NOL4: variants seen among roughly 807,000 people sequenced by gnomAD.
NOL4 encodes the protein cancer/testis antigen 125.
Under a neutral mutation model 75.9 loss-of-function variants are expected in NOL4, and 17 were observed. The ratio of observed to expected loss-of-function variants is 0.22; its 90% confidence interval spans 0.15 to 0.34. The LOEUF (loss-of-function observed/expected upper bound fraction) is 0.34. Ranked by LOEUF, NOL4 falls within the 10% of genes least tolerant of loss-of-function variation. The pLI, the probability that NOL4 is intolerant of heterozygous loss-of-function variation, is 1.00. For missense variants in NOL4, 614 were observed against 793.5 expected (o/e 0.77, Z 2.72); for synonymous variants, 292 against 289.9 (o/e 1.01, Z -0.07).
chr18:34,222,050 C>T (rs1200172825), intron 1 of NOL4: 1 of 1,535,426 alleles, frequency 6.5e-7, no homozygotes, highest in African/African-American at 1.4e-5. Context: ...TCTCCTGCAT[C>T]AGATCTGCCA....
intron 6 of NOL4, among the ~76,000 whole-genome samples, chr18:33,996,625 A>G (rs2073305776): frequency 6.6e-6 from 1 of 151,720 alleles, no homozygotes; most frequent in Admixed American, 6.6e-5. Context: ...TTCCATGTGT[A>G]CCTAATGCTT....
chr18:34,189,624 T>C (rs1286437174), intron 1 of NOL4, among the ~76,000 whole-genome samples: 1 of 152,190 alleles, frequency 6.6e-6, no homozygotes, highest in East Asian at 1.9e-4. Flanking sequence ...GCTTATTCCA[T>C]TATATGTAAT....
chr18:34,209,521 A>T (rs562130153), intron 1 of NOL4, among the ~76,000 whole-genome samples: 12 of 152,284 alleles, frequency 7.9e-5, no homozygotes, highest in African/African-American at 2.9e-4. Flanking sequence ...GAAAATTCTA[A>T]GCGAGTCAGG....
At chr18:34,063,714 T>A (rs2145160301) in intron 5 of NOL4, among the ~76,000 whole-genome samples, 1 of 152,200 alleles carries the variant, frequency 6.6e-6, no homozygotes, top group South Asian at 2.1e-4. Context: ...ACATTCTCTT[T>A]ATAAATCATG....
chr18:34,058,133 T>G (rs2076906564), intron 5 of NOL4, among the ~76,000 whole-genome samples: 1 of 152,060 alleles, frequency 6.6e-6, no homozygotes, highest in Non-Finnish European at 1.5e-5. Flanking sequence ...TGGCCTGTTG[T>G]TCCTTATTTC....
chr18:33,930,298 T>C (rs1240272570), intron 9 of NOL4, among the ~76,000 whole-genome samples: 1 of 152,170 alleles, frequency 6.6e-6, no homozygotes, highest in Non-Finnish European at 1.5e-5. Context: ...AGCTAATTGT[T>C]TATAAATGTT....
At chr18:34,109,625 A>C (rs1409895792) in intron 2 of NOL4, among the ~76,000 whole-genome samples, 2 of 152,028 alleles carry the variant, frequency 1.3e-5, no homozygotes, top group Admixed American at 6.5e-5. Flanking sequence ...AAAGAAGAAC[A>C]AATTATGGCC....
At chr18:33,870,943 A>G (rs2063671083) in intron 10 of NOL4, among the ~76,000 whole-genome samples, 1 of 152,046 alleles carries the variant, frequency 6.6e-6, no homozygotes, top group Non-Finnish European at 1.5e-5. Flanking sequence ...CACACATTTA[A>G]TTTTGTAATC....
intron 1 of NOL4, among the ~76,000 whole-genome samples, chr18:34,140,677 A>G (rs1486169992): frequency 1.3e-5 from 2 of 152,074 alleles, no homozygotes; most frequent in African/African-American, 4.8e-5. Flanking sequence ...TAGCCCATTT[A>G]CATTTAATGT....
At chr18:34,188,849 T>C (rs1282011458) in intron 1 of NOL4, among the ~76,000 whole-genome samples, 1 of 152,130 alleles carries the variant, frequency 6.6e-6, no homozygotes, top group East Asian at 1.9e-4. Flanking sequence ...AAATGAATAT[T>C]CTCACCTATA....
chr18:33,913,578 C>A (rs2066535946), intron 9 of NOL4, among the ~76,000 whole-genome samples: 2 of 152,132 alleles, frequency 1.3e-5, no homozygotes, highest in Non-Finnish European at 2.9e-5. Flanking sequence ...TTTCTCAACA[C>A]TTTTAACCCA....
At chr18:33,939,304 T>C (rs2068297241) in intron 9 of NOL4, among the ~76,000 whole-genome samples, 1 of 152,136 alleles carries the variant, frequency 6.6e-6, no homozygotes, top group Non-Finnish European at 1.5e-5. Context: ...CTTTCTCTAA[T>C]TCTGTGAAGA....
chr18:34,100,829 C>T (rs1159902853), intron 4 of NOL4, among the ~76,000 whole-genome samples: 1 of 152,192 alleles, frequency 6.6e-6, no homozygotes, highest in African/African-American at 2.4e-5. Flanking sequence ...CACATGCCAA[C>T]TGTCTAATTG....
chr18:34,050,789 C>T (rs1466094440), intron 5 of NOL4, among the ~76,000 whole-genome samples: 1 of 152,046 alleles, frequency 6.6e-6, no homozygotes, highest in African/African-American at 2.4e-5. Context: ...AAAAACAGCA[C>T]TTTTCACAAA....
At chr18:33,925,162 A>T (rs2067252769) in intron 9 of NOL4, among the ~76,000 whole-genome samples, 1 of 152,102 alleles carries the variant, frequency 6.6e-6, no homozygotes, top group Non-Finnish European at 1.5e-5. Flanking sequence ...TAGTACGATT[A>T]TGTATGATGT....
chr18:33,940,082 G>A (rs1418588316), intron 9 of NOL4, among the ~76,000 whole-genome samples: 2 of 152,076 alleles, frequency 1.3e-5, no homozygotes. Flanking sequence ...GGAGGAATAG[G>A]AACGCTTTCA....
intron 6 of NOL4, among the ~76,000 whole-genome samples, chr18:34,006,854 G>A (rs917122718): frequency 6.6e-6 from 1 of 151,918 alleles, no homozygotes; most frequent in Non-Finnish European, 1.5e-5. Context: ...CTGGGGCAAG[G>A]TTCTTCAAAG....
chr18:33,996,755 G>A (rs922676337), intron 6 of NOL4, among the ~76,000 whole-genome samples: 3 of 151,804 alleles, frequency 2.0e-5, no homozygotes, highest in African/African-American at 7.2e-5. Flanking sequence ...TTCTTTTACG[G>A]CTGCATAGTA....
At chr18:34,011,396 T>G (rs894900004) in intron 6 of NOL4, among the ~76,000 whole-genome samples, 7 of 151,780 alleles carry the variant, frequency 4.6e-5, no homozygotes, top group Non-Finnish European at 8.8e-5. Flanking sequence ...TTAATTTTTC[T>G]TCTTTTATTC....
Sources: allele counts gnomAD v4.1 joint callset (sites outside exome capture counted in the v4.1 genomes callset), GRCh38; gene constraint gnomAD v4.1.1; transcripts MANE v1.5; gene names NCBI Gene and HGNC (gene_info 2026-07-23, HGNC 2026-07-21).